CLIP4: variants seen among roughly 807,000 people sequenced by gnomAD.
CLIP4 encodes the protein CAP-Gly domain containing linker protein family member 4, also known as CAP-Gly domain-containing linker protein 4.
Under a neutral mutation model 73.1 loss-of-function variants are expected in CLIP4, and 47 were observed. The observed-to-expected ratio is 0.64, with a 90% confidence interval of 0.51 to 0.82. The LOEUF is 0.82. Ranked by LOEUF, CLIP4 falls within the 40% of genes least tolerant of loss-of-function variation. CLIP4 has a pLI of 0.00. For missense variants in CLIP4, 874 were observed against 852.9 expected (o/e 1.02, Z -0.31); for synonymous variants, 306 against 295.4 (o/e 1.04, Z -0.37).
chr2:29,126,655 C>T (rs1481549709), intron 2 of CLIP4, among the ~76,000 whole-genome samples: 1 of 152,154 alleles, frequency 6.6e-6, no homozygotes, highest in Non-Finnish European at 1.5e-5. Context: ...ATGAGGATGG[C>T]AGTTTCTACC....
intron 12 of CLIP4, 83 bp from the exon 13 acceptor site, chr2:29,163,748 C>A: frequency 7.3e-7 from 1 of 1,362,592 alleles, no homozygotes; most frequent in Non-Finnish European, 9.8e-7. Context: ...AATGTTAAAA[C>A]ACCTCGACTT....
chr2:29,154,435 G>A (rs562426909), intron 9 of CLIP4, among the ~76,000 whole-genome samples: 1 of 152,290 alleles, frequency 6.6e-6, no homozygotes, highest in Admixed American at 6.5e-5. Flanking sequence ...CCCCAAGGAA[G>A]GGAAATCCAT....
chr2:29,136,342 C>T (rs1303733141), intron 6 of CLIP4, among the ~76,000 whole-genome samples: 1 of 152,036 alleles, frequency 6.6e-6, no homozygotes, highest in East Asian at 1.9e-4. Flanking sequence ...CCTGTCTTCC[C>T]TTCCCTTTCC....
chr2:29,135,337 TATA>T (rs1440932639), intron 5 of CLIP4, among the ~76,000 whole-genome samples: 2 of 152,210 alleles, frequency 1.3e-5, no homozygotes, highest in African/African-American at 4.8e-5. Flanking sequence ...CACTCCATCT[TATA>T]ATGAATTTTA....
intron 1 of CLIP4, among the ~76,000 whole-genome samples, chr2:29,116,156 C>T (rs1663808832): frequency 6.6e-6 from 1 of 152,218 alleles, no homozygotes; most frequent in South Asian, 2.1e-4. Context: ...CCTTGGCTAC[C>T]TGAGATCCCT....
At chr2:29,160,853 C>T (rs1667241078) in intron 12 of CLIP4, among the ~76,000 whole-genome samples, 1 of 152,074 alleles carries the variant, frequency 6.6e-6, no homozygotes, top group African/African-American at 2.4e-5. Context: ...GAGTGGCTTG[C>T]AGAGAAAAGC....
chr2:29,120,092 A>G (rs1664154171), intron 1 of CLIP4, among the ~76,000 whole-genome samples: 1 of 152,198 alleles, frequency 6.6e-6, no homozygotes. Context: ...TAATTCCATG[A>G]ACTTGTCATT....
At position 29,181,706 on chromosome 2, in the gene CLIP4, G is replaced by GC; in HGVS notation, c.1935dup (p.Thr646HisfsTer2). ...GAGATGGGTACTGTTAGGTATGTGG[G>GC]CCCCACTGACTTTGCTTCAGGTATC... On this transcript the variant is annotated frameshift_variant, in exon 16 of 16. Transcript: ENST00000320081. LOFTEE classifies it high-confidence loss of function. The GC allele has an allele frequency of 6.2e-7, 1 of 1,614,136 alleles. No homozygotes were observed. Among genetic ancestry groups the GC allele is most frequent in the Non-Finnish European group, 8.5e-7 (1 of 1,180,014 alleles).
chr2:29,102,405 T>C (rs6738818), intron 1 of CLIP4, among the ~76,000 whole-genome samples: 5,512 of 152,096 alleles, frequency 0.036, 288 homozygotes, highest in African/African-American at 0.11. Context: ...TCTCTCTAGG[T>C]ATCCGCCCCT....
intron 11 of CLIP4, 44 bp from the exon 12 acceptor site, chr2:29,160,289 C>T: frequency 1.9e-6 from 3 of 1,612,828 alleles, no homozygotes; most frequent in Middle Eastern, 3.3e-4. Flanking sequence ...GTTTTTTCTC[C>T]TCTTTTCCTG....
In CLIP4 at chr2:29,166,407, G is replaced by A. The variant is rs115996598; in HGVS notation, c.1659-1069G>A. Among the ~76,000 whole-genome samples, 542 of 151,444 alleles carry A rather than the reference G, an allele frequency of 3.6e-3. 2 individuals carry two copies. The highest frequency in any genetic ancestry group is 0.012 in the African/African-American group (479 of 41,204). ...TCTGCTTGGATGGCTTTCTACACCC[G>A]CCTACTATTGCCTAACTTTCACTTA... On this transcript the variant is annotated intron_variant, in intron 13 of 15. Transcript: ENST00000320081.
At chr2:29,177,187 T>C (rs1316652464) in intron 15 of CLIP4, among the ~76,000 whole-genome samples, 1 of 152,010 alleles carries the variant, frequency 6.6e-6, no homozygotes, top group Non-Finnish European at 1.5e-5. Flanking sequence ...GGTGGGAGGA[T>C]CACTTGAGGT....
chr2:29,133,263 G>T (rs1246310996), intron 4 of CLIP4, among the ~76,000 whole-genome samples: 1 of 152,162 alleles, frequency 6.6e-6, no homozygotes, highest in Non-Finnish European at 1.5e-5. Flanking sequence ...ATAGGGAAAA[G>T]CAATAAAAGG....
chr2:29,157,480 C>T, intron 11 of CLIP4, 133 bp downstream of exon 11: 1 of 1,404,482 alleles, frequency 7.1e-7, no homozygotes, highest in Admixed American at 1.8e-5. Context: ...TACTCTTCCC[C>T]ACCTCCCCCG....
intron 12 of CLIP4, among the ~76,000 whole-genome samples, chr2:29,161,051 C>T (rs879917918): frequency 5.9e-5 from 9 of 152,112 alleles, no homozygotes; most frequent in Admixed American, 3.9e-4. Flanking sequence ...CTCAGCTCAC[C>T]GCAACCTCTG....
chr2:29,173,705 A>G (rs55992206), intron 14 of CLIP4, among the ~76,000 whole-genome samples: 29,115 of 152,218 alleles, frequency 0.19, 3,560 homozygotes, highest in Non-Finnish European at 0.27. Context: ...CTGGTCTGCC[A>G]TAACTGGCCA....
chr2:29,097,968 A>C (rs1667923975), intron 1 of CLIP4: 1 of 152,230 alleles, frequency 6.6e-6, no homozygotes, highest in African/African-American at 2.4e-5. Flanking sequence ...CTAGAAAACC[A>C]ATCTCCTGTC....
rs750304973 is a variant in CLIP4, at chr2:29,182,098, A to T, written c.*205A>T. On this transcript the variant is annotated 3_prime_UTR_variant, in exon 16 of 16. Coordinates refer to ENST00000320081, the MANE Select transcript of CLIP4 (RefSeq NM_024692.6). ...TCATGGTTCTTTTAAAGCAATTTTC[A>T]AAATAAGTACCAATTAAAGCTTTAG... 4.9e-6 allele frequency: 2 copies of T among 411,856 alleles called. No individual in the cohort carries two copies. The highest frequency in any genetic ancestry group is 8.4e-6 in the Non-Finnish European group (2 of 237,498). 25.5% of individuals were successfully genotyped at this position (411,856 alleles called of 1,614,324 possible).
intron 8 of CLIP4, among the ~76,000 whole-genome samples, chr2:29,148,288 C>A (rs1262223754): frequency 6.6e-6 from 1 of 152,202 alleles, no homozygotes; most frequent in African/African-American, 2.4e-5. Flanking sequence ...GGTTTTCTCT[C>A]TTTCCAAATC....
Sources: gnomAD v4.1 joint callset for allele counts (sites outside exome capture counted in the v4.1 genomes callset) on GRCh38, gnomAD v4.1.1 for gene constraint, MANE v1.5 for transcripts, NCBI Gene and HGNC (gene_info 2026-07-23, HGNC 2026-07-21) for gene names.